The following PCDHA12 variants were observed in gnomAD, a reference collection of about 807,000 sequenced individuals.
PCDHA12 encodes the protein protocadherin alpha-12.
In PCDHA12, 44 loss-of-function variants were observed where a neutral mutation model predicts 60.0. The ratio of observed to expected loss-of-function variants is 0.73; its 90% CI spans 0.58 to 0.94. The LOEUF (loss-of-function observed/expected upper bound fraction) is 0.94. Ranked by LOEUF, PCDHA12 falls within the 40% of genes least tolerant of loss-of-function variation. The pLI, the probability that PCDHA12 is intolerant of heterozygous loss-of-function variation, is 0.00. For missense variants in PCDHA12, 1,276 were observed against 1,239.7 expected (o/e 1.03, Z -0.44); for synonymous variants, 569 against 553.0 (o/e 1.03, Z -0.40).
At chr5:140,881,993 A>C in intron 1 of PCDHA12, 1 of 454,088 alleles carries the variant, frequency 2.2e-6, no homozygotes, top group Non-Finnish European at 3.7e-6. Flanking sequence ...AATGTCAGGA[A>C]ATGCAAGGGG....
intron 3 of PCDHA12, among the ~76,000 whole-genome samples, chr5:140,987,227 AT>A (rs1395687024): frequency 4.6e-5 from 7 of 151,696 alleles, no homozygotes; most frequent in African/African-American, 1.7e-4. Context: ...AAAAAAAAAA[AT>A]AATAAATAAA....
At chr5:140,896,583 G>A (rs557774521) in intron 1 of PCDHA12, among the ~76,000 whole-genome samples, 1 of 151,770 alleles carries the variant, frequency 6.6e-6, no homozygotes, top group South Asian at 2.1e-4. Context: ...TGACGTGTTG[G>A]CCAGGCTGGT....
At chr5:140,955,190 A>G (rs1269758289) in intron 1 of PCDHA12, among the ~76,000 whole-genome samples, 2 of 152,050 alleles carry the variant, frequency 1.3e-5, no homozygotes, top group Admixed American at 6.6e-5. Flanking sequence ...TGTGGTGTAT[A>G]TGAAGTCAAT....
intron 1 of PCDHA12, among the ~76,000 whole-genome samples, chr5:140,894,640 C>T (rs1004479669): frequency 4.6e-5 from 7 of 151,788 alleles, no homozygotes; most frequent in Admixed American, 4.6e-4. Flanking sequence ...CATATCATTA[C>T]TGAGTCTCTC....
At chr5:140,899,814 G>A (rs1212568701) in intron 1 of PCDHA12, among the ~76,000 whole-genome samples, 8 of 152,012 alleles carry the variant, frequency 5.3e-5, no homozygotes, top group African/African-American at 7.2e-5. Flanking sequence ...ATTTTGTTTT[G>A]TTTTTCCTTT....
chr5:140,885,792 C>T (rs2060715375), intron 1 of PCDHA12, among the ~76,000 whole-genome samples: 1 of 151,834 alleles, frequency 6.6e-6, no homozygotes, highest in Non-Finnish European at 1.5e-5. Context: ...AGCATATTGT[C>T]ATATGTATTT....
chr5:140,888,233 C>T (rs544193607), intron 1 of PCDHA12, among the ~76,000 whole-genome samples: 6 of 152,142 alleles, frequency 3.9e-5, no homozygotes, highest in South Asian at 4.1e-4. Flanking sequence ...CATGTGTGTG[C>T]GTGTTCCTTT....
At chr5:140,987,952 C>T (rs1176597775) in intron 3 of PCDHA12, among the ~76,000 whole-genome samples, 1 of 152,128 alleles carries the variant, frequency 6.6e-6, no homozygotes, top group African/African-American at 2.4e-5. Flanking sequence ...TCTGACAAAA[C>T]CAACTCCCCA....
intron 3 of PCDHA12, among the ~76,000 whole-genome samples, chr5:141,006,214 TTA>T (rs2098261511): frequency 6.6e-6 from 1 of 152,046 alleles, no homozygotes; most frequent in South Asian, 2.1e-4. Flanking sequence ...TCATTTTTTT[TTA>T]AATTTTTTAT....
At chr5:140,986,460 G>A (rs1489873666) in intron 3 of PCDHA12, among the ~76,000 whole-genome samples, 1 of 152,176 alleles carries the variant, frequency 6.6e-6, no homozygotes, top group Admixed American at 6.5e-5. Flanking sequence ...TTTAATGAAT[G>A]CCCTCTTGTG....
At chr5:140,999,398 A>G (rs17119351) in intron 3 of PCDHA12, among the ~76,000 whole-genome samples, 13,435 of 152,202 alleles carry the variant, frequency 0.088, 686 homozygotes, top group African/African-American at 0.14. Flanking sequence ...TTTGTTTTGC[A>G]TATGAAAGAA....
intron 3 of PCDHA12, among the ~76,000 whole-genome samples, chr5:140,982,826 T>C (rs193172264): frequency 1.1e-3 from 157 of 141,010 alleles, no homozygotes; most frequent in African/African-American, 3.0e-3. Context: ...GTTTTTGGGG[T>C]TTGTTTGTTT....
At chr5:140,897,154 T>C (rs530327361) in intron 1 of PCDHA12, among the ~76,000 whole-genome samples, 1 of 152,332 alleles carries the variant, frequency 6.6e-6, no homozygotes, top group African/African-American at 2.4e-5. Context: ...TTAACCATTC[T>C]TCTACTGTCT....
intron 1 of PCDHA12, among the ~76,000 whole-genome samples, chr5:140,942,542 G>C (rs1023135030): frequency 6.6e-5 from 10 of 152,046 alleles, no homozygotes; most frequent in African/African-American, 2.4e-4. Flanking sequence ...AGTATGGTGG[G>C]GGGTAGGGGG....
intron 1 of PCDHA12, chr5:140,881,246 G>A (rs1006093115): frequency 4.8e-6 from 2 of 415,054 alleles, no homozygotes; most frequent in Non-Finnish European, 6.5e-6. Flanking sequence ...TTAAATGACG[G>A]CAAGGTTTTA....
At chr5:140,963,659 A>G (rs1474288889) in intron 1 of PCDHA12, among the ~76,000 whole-genome samples, 3 of 152,222 alleles carry the variant, frequency 2.0e-5, no homozygotes. Context: ...TTGATTTCCT[A>G]TATGGCATAG....
At chr5:140,980,858 A>T (rs2096908934) in intron 2 of PCDHA12, among the ~76,000 whole-genome samples, 2 of 152,162 alleles carry the variant, frequency 1.3e-5, no homozygotes, top group Admixed American at 1.3e-4. Flanking sequence ...TCTTTTTCGT[A>T]TGTGTGCTTG....
At chr5:140,920,910 A>C (rs2153559145) in intron 1 of PCDHA12, among the ~76,000 whole-genome samples, 1 of 151,920 alleles carries the variant, frequency 6.6e-6, no homozygotes, top group East Asian at 1.9e-4. Context: ...TTCTCAAATC[A>C]GTTCCAAGAG....
chr5:140,886,401 A>G (rs2060965059), intron 1 of PCDHA12, among the ~76,000 whole-genome samples: 1 of 152,174 alleles, frequency 6.6e-6, no homozygotes, highest in African/African-American at 2.4e-5. Flanking sequence ...TGCATCACAA[A>G]TATGTTTTCC....
Sources: gnomAD v4.1 joint callset for allele counts (sites outside exome capture counted in the v4.1 genomes callset) on GRCh38, gnomAD v4.1.1 for gene constraint, MANE v1.5 for transcripts, NCBI Gene and HGNC (gene_info 2026-07-23, HGNC 2026-07-21) for gene names.